DCAF8L2: variants seen among roughly 807,000 people sequenced by gnomAD.
The protein encoded by DCAF8L2 is DDB1- and CUL4-associated factor 8-like protein 2.
For missense variants in DCAF8L2, 430 were observed against 490.7 expected (o/e 0.88, Z 1.17); for synonymous variants, 200 against 190.9 (o/e 1.05, Z -0.39).
At chrX:27,729,455 A>T in intron 4 of DCAF8L2, among the ~76,000 whole-genome samples, 1 of 111,029 alleles carries the variant, frequency 9.0e-6, no homozygotes, top group Middle Eastern at 4.7e-3. Flanking sequence ...CTGATCTTTA[A>T]TTTTTTTTTC....
intron 3 of DCAF8L2, among the ~76,000 whole-genome samples, chrX:27,705,076 T>C (rs1259829932): frequency 1.8e-5 from 2 of 111,030 alleles, no homozygotes; most frequent in African/African-American, 6.6e-5. Flanking sequence ...GGTTCTTGTG[T>C]TAGTTTTCAA....
rs1467011470 is a variant in DCAF8L2, at chrX:27,590,374, A to T, written c.-408A>T. ...GTCGCAAAAGCTGAACATCCTCCCC[A>T]CAAGGTTATTTAGAAGACGTCTTGC... On this transcript the variant is annotated 5_prime_UTR_variant, in exon 1 of 5. Transcript: ENST00000451261. The T allele has an allele frequency of 9.0e-6, 1 of 111,664 alleles. No homozygotes were observed. The highest frequency in any genetic ancestry group is 1.9e-5 in the Non-Finnish European group (1 of 53,168). 9.2% of individuals were successfully genotyped at this position (111,664 alleles called of 1,213,427 possible).
chrX:27,527,101 C>A, the DCAF8L2 span, among the ~76,000 whole-genome samples: 4 of 112,437 alleles, frequency 3.6e-5, no homozygotes, highest in Non-Finnish European at 7.5e-5. Flanking sequence ...GCCTTTTGTT[C>A]AGCTATGGCC....
chrX:27,728,210 C>A (rs761136301), intron 4 of DCAF8L2, among the ~76,000 whole-genome samples: 6 of 111,446 alleles, frequency 5.4e-5, no homozygotes, highest in African/African-American at 2.0e-4. Flanking sequence ...AAACTCCTCC[C>A]TTTTACCCCC....
intron 4 of DCAF8L2, among the ~76,000 whole-genome samples, chrX:27,726,902 T>C (rs766111485): frequency 2.7e-5 from 3 of 111,993 alleles, no homozygotes; most frequent in Admixed American, 9.5e-5. Flanking sequence ...CATGCGCATA[T>C]GTGTGCTTTC....
chrX:27,648,565 A>T lies in DCAF8L2; in HGVS notation c.-220+16565A>T, dbSNP rs756368644. On this transcript the variant is annotated intron_variant, in intron 2 of 4. Transcript: ENST00000451261. ...TGTATATATCTGCTTTACTTTTTGG[A>T]ATTGCATACAGTTATCAGGAAATGT... 1.3e-4 allele frequency among the ~76,000 whole-genome samples: 14 copies of T among 108,290 alleles called. No individual in the cohort carries two copies. In the South Asian group the frequency reaches 5.1e-3, roughly 39 times the overall value. 94.0% of individuals were successfully genotyped at this position (108,290 alleles called of 115,157 possible).
the DCAF8L2 span, among the ~76,000 whole-genome samples, chrX:27,559,684 G>A: frequency 1.4e-3 from 159 of 111,558 alleles, no homozygotes; most frequent in Middle Eastern, 4.6e-3. Context: ...GCTAATGACA[G>A]TGGCAGTCTG....
the DCAF8L2 span, among the ~76,000 whole-genome samples, chrX:27,559,512 G>C: frequency 1.8e-5 from 2 of 111,968 alleles, no homozygotes; most frequent in African/African-American, 6.5e-5. Context: ...CTAATAACCT[G>C]TTTGTTGTTG....
At chrX:27,628,898 A>G (rs1928167742) in intron 1 of DCAF8L2, among the ~76,000 whole-genome samples, 1 of 111,575 alleles carries the variant, frequency 9.0e-6, no homozygotes. Flanking sequence ...TCTTTTTGAT[A>G]GTAGCTATCC....
At chrX:27,477,199 C>A in the DCAF8L2 span, among the ~76,000 whole-genome samples, 1 of 112,610 alleles carries the variant, frequency 8.9e-6, no homozygotes, top group South Asian at 3.6e-4. Flanking sequence ...CTGGACAGGT[C>A]TGGAATTTGA....
chrX:27,540,102 C>T, the DCAF8L2 span, among the ~76,000 whole-genome samples: 1 of 111,325 alleles, frequency 9.0e-6, no homozygotes, highest in Non-Finnish European at 1.9e-5. Context: ...CTGACACTGA[C>T]ACTGGAAGCC....
chrX:27,543,707 C>T, the DCAF8L2 span, among the ~76,000 whole-genome samples: 1 of 111,057 alleles, frequency 9.0e-6, no homozygotes, highest in African/African-American at 3.3e-5. Context: ...GGTTTTATGA[C>T]TGGCTTTGGG....
At chrX:27,705,940 C>G (rs1931329342) in intron 3 of DCAF8L2, among the ~76,000 whole-genome samples, 1 of 111,604 alleles carries the variant, frequency 9.0e-6, no homozygotes, top group African/African-American at 3.3e-5. Context: ...ATTTAAGTCT[C>G]TAGTCCTTCT....
the DCAF8L2 span, among the ~76,000 whole-genome samples, chrX:27,583,963 T>C: frequency 8.9e-6 from 1 of 111,872 alleles, no homozygotes; most frequent in South Asian, 3.7e-4. Flanking sequence ...TATGGATCTG[T>C]AAAGACCCCA....
chrX:27,681,946 G>A (rs1386220389), intron 3 of DCAF8L2, among the ~76,000 whole-genome samples: 3 of 111,387 alleles, frequency 2.7e-5, no homozygotes, highest in Non-Finnish European at 5.6e-5. Context: ...ACGGAGTCGC[G>A]TTTCTTGGTT....
At chrX:27,680,932 GCACACTCTGGGGAGATGAAGT>G (rs1930303918) in intron 3 of DCAF8L2, among the ~76,000 whole-genome samples, 1 of 112,055 alleles carries the variant, frequency 8.9e-6, no homozygotes, top group Non-Finnish European at 1.9e-5. Context: ...TCACTTAGTA[GCACACTCTGGGGAGATGAAGT>G]CATTCAGGGA....
Position 27,711,398 on chromosome X carries a change from C to CGT in DCAF8L2, c.-142-4665_-142-4664dup, listed in dbSNP as rs10574517. On this transcript the variant is annotated intron_variant, in intron 3 of 4. Transcript: ENST00000451261. ...CTATATGTGTGTGTGTGTGTGTGTA[C>CGT]GTGTGTGTGTGTGTGTGTGTGTGTG... is the stretch of plus-strand genomic sequence containing the variant. Among the ~76,000 whole-genome samples, 643 of 94,937 alleles carry CGT rather than the reference C, an allele frequency of 6.8e-3. 3 individuals are homozygous for CGT. The highest frequency in any genetic ancestry group is 0.018 in the Admixed American group (151 of 8,515). The allele number at this position is 94,937 out of a possible 115,157, so 82.4% of individuals were successfully genotyped here. A position where few individuals can be genotyped will look rare whatever the true frequency, so the allele number is the denominator to read the frequency against.
chrX:27,585,486 A>G (rs1925888147), upstream of DCAF8L2, among the ~76,000 whole-genome samples: 1 of 111,946 alleles, frequency 8.9e-6, no homozygotes, highest in Admixed American at 9.5e-5. Context: ...CTCCATCAGC[A>G]TCTACATTAA....
At chrX:27,533,823 A>G in the DCAF8L2 span, among the ~76,000 whole-genome samples, 1 of 112,481 alleles carries the variant, frequency 8.9e-6, no homozygotes, top group Non-Finnish European at 1.9e-5. Flanking sequence ...TCTGAATTGC[A>G]TATTGGACTG....
Sources: gnomAD v4.1 joint callset for allele counts (sites outside exome capture counted in the v4.1 genomes callset) on GRCh38, gnomAD v4.1.1 for gene constraint, MANE v1.5 for transcripts, NCBI Gene and HGNC (gene_info 2026-07-23, HGNC 2026-07-21) for gene names.